Variants in DUOX1 observed in about 807,000 individuals in gnomAD.
The protein encoded by DUOX1 is dual oxidase 1, also known as NADPH thyroid oxidase 1.
A neutral mutation model predicts 181.8 loss-of-function variants in DUOX1; 134 were observed. That is an observed-to-expected ratio of 0.74 (90% CI 0.64 to 0.85). The LOEUF (loss-of-function observed/expected upper bound fraction) is 0.85. DUOX1 is among the 40% of genes least tolerant of loss of function. The pLI, the probability that DUOX1 is intolerant of heterozygous loss-of-function variation, is 0.00. For missense variants in DUOX1, 1,814 were observed against 2,064.4 expected, an observed-to-expected ratio of 0.88 and a Z score of 2.35; for synonymous variants, 798 against 832.5, an observed-to-expected ratio of 0.96 and a Z score of 0.71.
At position 45,144,032 on chromosome 15, in the gene DUOX1, CT is replaced by C; in HGVS notation, c.1937-3del. The C allele has an allele frequency of 1.2e-6, 2 of 1,613,770 alleles. No homozygotes were observed. The highest frequency in any genetic ancestry group is 1.7e-5 in the Admixed American group (1 of 60,030). On this transcript the variant is annotated splice_polypyrimidine_tract_variant and splice_region_variant and intron_variant, in intron 16 of 33. Coordinates refer to ENST00000389037, the MANE Select transcript of DUOX1 (RefSeq NM_175940.3). ...CTGACGAAGCCCTGTCTCTCTCCCCCTAGCTTTGGAATGGCAAGGCCACAAG... is the reference window on the plus strand; with the variant it reads ...CTGACGAAGCCCTGTCTCTCTCCCCCAGCTTTGGAATGGCAAGGCCACAAG...
chr15:45,132,084 C>A lies in DUOX1; in HGVS notation c.58+60C>A, dbSNP rs1768416060. The A allele has an allele frequency of 6.2e-6, 9 of 1,459,492 alleles. No individual in the cohort carries two copies. The South Asian group carries it at 1.0e-4, about 17-fold the overall frequency. 90.4% of individuals were successfully genotyped at this position (1,459,492 alleles called of 1,614,324 possible). ...GCAGAGGAACCCAGCATCCTCTGGGCTCCCCCAAGGACAGGATCCATTTGA... is the reference window on the plus strand; with the variant it reads ...GCAGAGGAACCCAGCATCCTCTGGGATCCCCCAAGGACAGGATCCATTTGA... On this transcript the variant is annotated intron_variant, in intron 2 of 33. Transcript: ENST00000389037.
At chr15:45,156,711 G>A (rs537022285) in intron 28 of DUOX1, among the ~76,000 whole-genome samples, 13 of 152,118 alleles carry the variant, frequency 8.5e-5, no homozygotes, top group Admixed American at 2.0e-4. Flanking sequence ...GATTACAGGC[G>A]TGAGCCACCG....
At chr15:45,161,385 C>T (rs1897095673) in intron 29 of DUOX1, among the ~76,000 whole-genome samples, 1 of 133,128 alleles carries the variant, frequency 7.5e-6, no homozygotes, top group Admixed American at 8.4e-5. Context: ...TGCCACTGCA[C>T]TCCAGCCTGG....
intron 14 of DUOX1, 151 bp from the exon 15 acceptor site, chr15:45,141,823 AT>A: frequency 2.7e-6 from 2 of 737,302 alleles, no homozygotes; most frequent in Non-Finnish European, 4.3e-6. Flanking sequence ...GTTGGGATTC[AT>A]TTTTTACCCC....
chr15:45,141,024 C>T lies in DUOX1; in HGVS notation c.1519C>T (p.Arg507Trp), dbSNP rs755695699. 33 of 1,614,072 alleles carry T rather than the reference C, an allele frequency of 2.0e-5. No individual in the cohort carries two copies. The highest frequency in any genetic ancestry group is 6.7e-5 in the African/African-American group (5 of 74,914). The change falls in exon 13 of 34, where the codon CGG becomes TGG. Residue 507 changes from arginine to tryptophan, a missense_variant. Arg to Trp is a moderately radical substitution (Grantham distance 101, BLOSUM62 -3). This residue lies in a region of DUOX1 where 1,064 missense variants were observed against 1,152.9 expected (regional missense o/e 0.92). Coordinates refer to ENST00000389037, the MANE Select transcript of DUOX1 (RefSeq NM_175940.3). Reference sequence around the variant, plus strand: ...CACCATCGTCCTTGAACAATTTGTGCGGCTACGGGATGGTGACCGCTACTG... The same window carrying T: ...CACCATCGTCCTTGAACAATTTGTGTGGCTACGGGATGGTGACCGCTACTG... ...FSTIVLEQFV[R>W]LRDGDRYWFE...
Position 45,152,520 on chromosome 15 carries a change from G to A in DUOX1, c.3424+4G>A, listed in dbSNP as rs1350760423. 1.9e-6 allele frequency: 3 copies of A among 1,613,598 alleles called. No individual in the cohort carries two copies. The South Asian group carries it at 3.3e-5, about 18-fold the overall frequency. On this transcript the variant is annotated splice_donor_region_variant and intron_variant, in intron 25 of 33. Transcript: ENST00000389037. ...TCCACCGCCATCGTCCTCACAGGCA[G>A]GGCCTGGGTGTCCCTGGGAGGCTCT... is the stretch of plus-strand genomic sequence containing the variant.
Position 45,135,177 on chromosome 15 carries a change from C to A in DUOX1, c.381C>A (p.Ile127=). 6.2e-7 allele frequency: 1 copy of A among 1,613,888 alleles called. No individual in the cohort carries two copies. The highest frequency in any genetic ancestry group is 8.5e-7 in the Non-Finnish European group (1 of 1,179,984). The change falls in exon 5 of 34, where the codon ATC becomes ATA. Residue 127 remains isoleucine (I), a synonymous_variant. Transcript: ENST00000389037. ...GCPAEFLNIR[I]PPGDPMFDPD... ...CCGCCGAGTTCCTCAACATTCGCAT[C>A]CCGCCCGGAGACCCCATGTTCGACC...
At chr15:45,151,431 T>C (rs1238012590) in intron 23 of DUOX1, among the ~76,000 whole-genome samples, 183 bp downstream of exon 23, 1 of 152,184 alleles carries the variant, frequency 6.6e-6, no homozygotes, top group African/African-American at 2.4e-5. Context: ...AATGTCCCAC[T>C]GATGACTGTT....
intron 29 of DUOX1, among the ~76,000 whole-genome samples, 197 bp from the exon 30 acceptor site, chr15:45,161,541 T>C (rs985205904): frequency 4.0e-5 from 6 of 150,158 alleles, no homozygotes; most frequent in Non-Finnish European, 3.0e-5. Context: ...GCAGAGAAGC[T>C]CAGGCCAGGC....
intron 15 of DUOX1, 99 bp from the exon 16 acceptor site, chr15:45,143,091 G>T (rs1896550303): frequency 2.3e-6 from 2 of 854,408 alleles, no homozygotes; most frequent in South Asian, 3.2e-5. Flanking sequence ...TAGGAGGTGG[G>T]GACAATAGGT....
intron 21 of DUOX1, 128 bp downstream of exon 21, chr15:45,148,575 T>A: frequency 1.1e-6 from 1 of 949,806 alleles, no homozygotes; most frequent in Non-Finnish European, 1.5e-6. Context: ...ATGAATGTAG[T>A]AATATGTAAT....
In DUOX1 at chr15:45,152,266, T is replaced by C; in HGVS notation, c.3194-20T>C. ...TCCTCTGCACTGACCCTCGCTTGCC[T>C]GCCTGGGCCCCCTCCACAGACTACG... On this transcript the variant is annotated intron_variant, in intron 24 of 33. Transcript: ENST00000389037. The C allele has an allele frequency of 2.5e-6, 4 of 1,607,404 alleles. No individual in the cohort carries two copies. The highest frequency in any genetic ancestry group is 1.1e-5 in the South Asian group (1 of 90,364).
At chr15:45,133,831 G>A in intron 2 of DUOX1, 33 bp from the exon 3 acceptor site, 1 of 1,601,540 alleles carries the variant, frequency 6.2e-7, no homozygotes, top group South Asian at 1.1e-5. Flanking sequence ...GCACTGACTT[G>A]CCCAGCTGCC....
chr15:45,147,289 T>C (rs1272572847), intron 18 of DUOX1, 144 bp from the exon 19 acceptor site: 4 of 1,044,792 alleles, frequency 3.8e-6, no homozygotes, highest in Non-Finnish European at 5.5e-6. Flanking sequence ...AGAACAAACA[T>C]GGCCTCAGGC....
chr15:45,136,695 A>G, intron 9 of DUOX1, 70 bp downstream of exon 9: 11 of 1,434,216 alleles, frequency 7.7e-6, no homozygotes, highest in Non-Finnish European at 1.1e-5. Flanking sequence ...ATCTGCCCTC[A>G]GGAGCCCTCT....
Position 45,163,542 on chromosome 15 carries a change from T to C in DUOX1, c.4259T>C (p.Ile1420Thr). The change falls in exon 32 of 34, where the codon ATC becomes ACC. Residue 1420 changes from isoleucine to threonine, a missense_variant. Around this residue, in one of 5 missense-constraint regions of DUOX1, gnomAD observed 279 missense variants for 381.9 expected, o/e 0.73. Coordinates refer to ENST00000389037, the MANE Select transcript of DUOX1 (RefSeq NM_175940.3). ...CQVFCKKIYF[I>T]WVTRTQRQFE... is the part of the protein sequence containing the mutation. Reference sequence around the variant, plus strand: ...GCCCTGTGTCCCCAGATCTACTTCATCTGGGTGACGCGGACCCAGCGTCAG... The same window carrying C: ...GCCCTGTGTCCCCAGATCTACTTCACCTGGGTGACGCGGACCCAGCGTCAG... 1.9e-6 allele frequency: 3 copies of C among 1,614,130 alleles called. No individual in the cohort carries two copies. Among genetic ancestry groups the C allele is most frequent in the Non-Finnish European group, 2.5e-6 (3 of 1,180,016 alleles).
rs1202681411 is a variant in DUOX1, at chr15:45,135,671, G to C, written c.693G>C (p.Leu231=). Residue 231 remains leucine, a synonymous_variant, in exon 6 of 34, where the codon CTG becomes CTC. Transcript: ENST00000389037. ...CCGGGCAGAACGGGCCCCGGGGGCT[G>C]TACGGTGAGGCCACAGGGGCGGGAC... is the stretch of plus-strand genomic sequence containing the variant. ...PATGQNGPRG[L]YAFGAERGNR... is the part of the protein sequence containing the mutation. 24 of 1,480,918 alleles carry C rather than the reference G, an allele frequency of 1.6e-5. No homozygotes were observed. Among genetic ancestry groups the C allele is most frequent in the Non-Finnish European group, 2.2e-5 (24 of 1,115,966 alleles). The allele number at this position is 1,480,918 out of a possible 1,614,324, so 91.7% of individuals were successfully genotyped here.
At chr15:45,140,645 C>A (rs780541720) in intron 12 of DUOX1, 2 of 400,394 alleles carry the variant, frequency 5.0e-6, no homozygotes, top group Non-Finnish European at 8.9e-6. Flanking sequence ...GTTATGAATG[C>A]GGATTGGCTG....
chr15:45,141,667 G>A (rs1429112531), intron 14 of DUOX1, among the ~76,000 whole-genome samples: 1 of 152,090 alleles, frequency 6.6e-6, no homozygotes, highest in Non-Finnish European at 1.5e-5. Context: ...GTTCACATTC[G>A]GCTGAGATGG....
Sources: gnomAD v4.1 joint callset for allele counts (sites outside exome capture counted in the v4.1 genomes callset) on GRCh38, gnomAD v4.1.1 for gene constraint, gnomAD v4.1.1 regional missense constraint, MANE v1.5 for transcripts, NCBI Gene and HGNC (gene_info 2026-07-23, HGNC 2026-07-21) for gene names.